The following DPP10 variants were observed in gnomAD, a reference collection of about 807,000 sequenced individuals.
DPP10 encodes dipeptidyl peptidase like 10, also known as inactive dipeptidyl peptidase 10.
DPP10 carries 33 observed loss-of-function variants against 120.9 expected under a neutral mutation model. That is an observed-to-expected ratio of 0.27 (90% CI 0.21 to 0.37). DPP10 has a LOEUF of 0.37. DPP10 is among the 10% of genes least tolerant of loss of function. The pLI is 1.00. For synonymous variants in DPP10, 337 were observed against 326.1 expected (o/e 1.03, Z -0.36); for missense variants, 816 against 942.8 (o/e 0.87, Z 1.76).
At chr2:115,644,356 C>G (rs2087048768) in intron 5 of DPP10, among the ~76,000 whole-genome samples, 1 of 152,112 alleles carries the variant, frequency 6.6e-6, no homozygotes. Flanking sequence ...TGTTCCCCTT[C>G]TTGTGTCCAA....
intron 1 of DPP10, among the ~76,000 whole-genome samples, chr2:114,907,197 T>C (rs965607833): frequency 1.3e-5 from 2 of 151,848 alleles, no homozygotes; most frequent in Non-Finnish European, 1.5e-5. Context: ...GTCTTCTTTA[T>C]TTTTTTTCTT....
At chr2:114,888,509 C>T (rs185530175) in intron 1 of DPP10, among the ~76,000 whole-genome samples, 115 of 151,934 alleles carry the variant, frequency 7.6e-4, no homozygotes, top group Admixed American at 5.8e-3. Context: ...TTATATTTAG[C>T]GGCAAAAAAA....
At chr2:115,445,120 G>T in intron 3 of DPP10, among the ~76,000 whole-genome samples, 1 of 152,246 alleles carries the variant, frequency 6.6e-6, no homozygotes. Flanking sequence ...GAAGGTACTT[G>T]CTTCTCCTTT....
intron 1 of DPP10, among the ~76,000 whole-genome samples, chr2:114,534,134 A>G (rs1686284843): frequency 6.6e-6 from 1 of 152,200 alleles, no homozygotes; most frequent in African/African-American, 2.4e-5. Context: ...AATTTCTAAG[A>G]ACTCATTCAA....
At chr2:115,750,633 G>A (rs1165929053) in intron 10 of DPP10, among the ~76,000 whole-genome samples, 1 of 152,132 alleles carries the variant, frequency 6.6e-6, no homozygotes, top group African/African-American at 2.4e-5. Context: ...TAATCAAAGA[G>A]AACTATAAGT....
At chr2:115,821,363 A>G (rs1375807705) in intron 21 of DPP10, among the ~76,000 whole-genome samples, 1 of 151,870 alleles carries the variant, frequency 6.6e-6, no homozygotes, top group African/African-American at 2.4e-5. Context: ...ATCTCTATTA[A>G]TTTTTTGCAT....
chr2:115,233,078 C>CTGTTT (rs58163673), intron 1 of DPP10, among the ~76,000 whole-genome samples: 32,941 of 151,930 alleles, frequency 0.22, 4,092 homozygotes, highest in East Asian at 0.37. Flanking sequence ...TTTGAATGGA[C>CTGTTT]TTAAAGTGAC....
chr2:115,838,728 G>T (rs1042410982), intron 24 of DPP10, among the ~76,000 whole-genome samples: 11 of 152,050 alleles, frequency 7.2e-5, no homozygotes, highest in Admixed American at 7.2e-4. Context: ...TAAAATACAA[G>T]CAGAGGTTCA....
chr2:114,544,208 T>C (rs1184817309), intron 1 of DPP10, among the ~76,000 whole-genome samples: 2 of 152,110 alleles, frequency 1.3e-5, no homozygotes, highest in Non-Finnish European at 2.9e-5. Flanking sequence ...TCATTTTAAA[T>C]GAAGTGGTCA....
intron 1 of DPP10, among the ~76,000 whole-genome samples, chr2:114,911,940 G>T (rs138367148): frequency 3.9e-5 from 6 of 152,254 alleles, no homozygotes; most frequent in East Asian, 1.9e-4. Context: ...CTTTGACGAG[G>T]CTCCAGGGGA....
At chr2:114,916,629 G>A (rs765436697) in intron 1 of DPP10, among the ~76,000 whole-genome samples, 4 of 152,056 alleles carry the variant, frequency 2.6e-5, no homozygotes, top group Non-Finnish European at 5.9e-5. Context: ...GTCCACCACG[G>A]TCAAGTAGGC....
intron 1 of DPP10, among the ~76,000 whole-genome samples, chr2:115,113,271 A>G (rs75503755): frequency 0.013 from 1,932 of 150,848 alleles, 33 homozygotes; most frequent in African/African-American, 0.044. Context: ...TATATATGCT[A>G]TATATATATA....
intron 1 of DPP10, among the ~76,000 whole-genome samples, chr2:114,635,881 C>T (rs1484105951): frequency 1.3e-5 from 2 of 151,762 alleles, no homozygotes; most frequent in Middle Eastern, 3.2e-3. Context: ...GAGGATATTC[C>T]AAATGTTGAC....
chr2:115,323,536 A>G (rs989389562), intron 2 of DPP10, among the ~76,000 whole-genome samples: 7 of 152,224 alleles, frequency 4.6e-5, no homozygotes, highest in Non-Finnish European at 8.8e-5. Context: ...AGAAATGTGA[A>G]TTATTTCCAG....
chr2:115,389,608 A>G (rs1474711585), intron 3 of DPP10, among the ~76,000 whole-genome samples: 1 of 152,102 alleles, frequency 6.6e-6, no homozygotes, highest in Non-Finnish European at 1.5e-5. Flanking sequence ...TTGTCACCCA[A>G]AGAATTTTAA....
At chr2:114,934,233 A>G (rs1287430080) in intron 1 of DPP10, among the ~76,000 whole-genome samples, 1 of 152,178 alleles carries the variant, frequency 6.6e-6, no homozygotes, top group African/African-American at 2.4e-5. Context: ...TAAAAATCCA[A>G]GTATAACTTT....
chr2:115,215,270 G>A (rs2056752436), intron 1 of DPP10, among the ~76,000 whole-genome samples: 1 of 152,002 alleles, frequency 6.6e-6, no homozygotes, highest in Non-Finnish European at 1.5e-5. Context: ...ATCTTTGTTT[G>A]TTTTTATCCA....
At chr2:114,959,295 A>G (rs1450040636) in intron 1 of DPP10, among the ~76,000 whole-genome samples, 2 of 152,190 alleles carry the variant, frequency 1.3e-5, no homozygotes, top group African/African-American at 4.8e-5. Context: ...AGATTTGCCT[A>G]TTCTAGACAT....
In DPP10 at chr2:114,786,769, A is replaced by G. The variant is rs946185405; in HGVS notation, c.60+343931A>G. ...AAGTGAAGTAAAGCAAATAAGCAAAACAACCAAAGCAGTGTGGTGTTCTGG... is the reference window on the plus strand; with the variant it reads ...AAGTGAAGTAAAGCAAATAAGCAAAGCAACCAAAGCAGTGTGGTGTTCTGG... On this transcript the variant is annotated intron_variant, in intron 1 of 25. Transcript: ENST00000410059. Among the ~76,000 whole-genome samples the G allele has an allele frequency of 4.6e-5, 7 of 152,156 alleles. No homozygotes were observed. In the South Asian group the frequency reaches 1.2e-3, roughly 27 times the overall value.
Sources: allele counts gnomAD v4.1 joint callset (sites outside exome capture counted in the v4.1 genomes callset), GRCh38; gene constraint gnomAD v4.1.1; transcripts MANE v1.5; gene names NCBI Gene and HGNC (gene_info 2026-07-23, HGNC 2026-07-21).